The following LRRC7 variants were observed in gnomAD, a reference collection of about 807,000 sequenced individuals.
The protein encoded by LRRC7 is leucine-rich repeat-containing protein 7.
LRRC7 carries 23 observed loss-of-function variants against 175.7 expected under a neutral mutation model. The ratio of observed to expected loss-of-function variants is 0.13; its 90% CI spans 0.09 to 0.19. The LOEUF is 0.19. LRRC7 is among the 10% of genes least tolerant of loss of function. The pLI is 1.00. For missense variants in LRRC7, 1,354 were observed against 1,904.7 expected (o/e 0.71, Z 5.38); for synonymous variants, 685 against 680.9 (o/e 1.01, Z -0.09).
At chr1:69,633,182 T>G (rs1320213623) in intron 1 of LRRC7, among the ~76,000 whole-genome samples, 1 of 151,986 alleles carries the variant, frequency 6.6e-6, no homozygotes, top group Non-Finnish European at 1.5e-5. Context: ...TCCTTATATA[T>G]TTTTTGTTTA....
intron 8 of LRRC7, among the ~76,000 whole-genome samples, chr1:69,951,773 C>G (rs771071252): frequency 3.3e-5 from 5 of 151,904 alleles, no homozygotes; most frequent in Non-Finnish European, 7.4e-5. Flanking sequence ...AAACAACAAA[C>G]ACTGGGGTCT....
At chr1:69,759,020 C>A (rs921012613) in intron 2 of LRRC7, among the ~76,000 whole-genome samples, 2 of 151,912 alleles carry the variant, frequency 1.3e-5, no homozygotes, top group Non-Finnish European at 2.9e-5. Context: ...GAAACAAGAT[C>A]TCCTCAGAGA....
chr1:69,728,393 A>C (rs1235635646), intron 2 of LRRC7, among the ~76,000 whole-genome samples: 1 of 152,200 alleles, frequency 6.6e-6, no homozygotes, highest in East Asian at 1.9e-4. Context: ...TGCATTTAAC[A>C]AGAAATGAAG....
In LRRC7 at chr1:70,138,744, T is replaced by C. The variant is rs1489398468; in HGVS notation, c.*16857T>C. ...TAAATACAGTAGTATCTGGTGGCCT[T>C]TCTGTGTGGAGGAGCTCGTTTGTCC... On this transcript the variant is annotated 3_prime_UTR_variant, in exon 27 of 27. Transcript: ENST00000651989. The C allele has an allele frequency of 1.3e-5, 2 of 152,188 alleles. No individual in the cohort carries two copies. Among genetic ancestry groups the C allele is most frequent in the African/African-American group, 4.8e-5 (2 of 41,444 alleles). The allele number at this position is 152,188 out of a possible 1,614,324, so 9.4% of individuals were successfully genotyped here.
intron 22 of LRRC7, among the ~76,000 whole-genome samples, chr1:70,047,709 A>G (rs1660438578): frequency 6.6e-6 from 1 of 152,020 alleles, no homozygotes; most frequent in African/African-American, 2.4e-5. Flanking sequence ...TTTTTCATGT[A>G]TTACAAGCTA....
chr1:69,883,227 C>T (rs1027258605), intron 7 of LRRC7, among the ~76,000 whole-genome samples: 4 of 150,362 alleles, frequency 2.7e-5, no homozygotes, highest in Non-Finnish European at 5.9e-5. Flanking sequence ...TACAGTCCCA[C>T]CAACAGTGTA....
Position 70,043,953 on chromosome 1 carries a change from G to C in LRRC7, c.3970-1G>C, listed in dbSNP as rs1265024587. On this transcript the variant is annotated splice_acceptor_variant, in intron 21 of 26. Coordinates refer to ENST00000651989, the MANE Select transcript of LRRC7 (RefSeq NM_001370785.2). LOFTEE classifies it high-confidence loss of function. ...GTCACATGATTATTTCCTCTACTCAGAATGCTGCTTACAAACACAATACAG... is the reference window on the plus strand; with the variant it reads ...GTCACATGATTATTTCCTCTACTCACAATGCTGCTTACAAACACAATACAG... The C allele has an allele frequency of 6.2e-7, 1 of 1,605,004 alleles. No individual in the cohort carries two copies. The highest frequency in any genetic ancestry group is 8.5e-7 in the Non-Finnish European group (1 of 1,173,252).
intron 8 of LRRC7, among the ~76,000 whole-genome samples, chr1:69,968,057 T>C (rs1651839883): frequency 6.6e-6 from 1 of 151,988 alleles, no homozygotes. Flanking sequence ...AAAAAAATGA[T>C]ACAAGAAGTG....
At chr1:69,684,519 A>G (rs529577340) in intron 2 of LRRC7, among the ~76,000 whole-genome samples, 4 of 152,290 alleles carry the variant, frequency 2.6e-5, no homozygotes, top group African/African-American at 9.6e-5. Context: ...ACCTTTCCTG[A>G]TACTCAATTC....
At chr1:69,601,864 T>C (rs535992884) in intron 1 of LRRC7, among the ~76,000 whole-genome samples, 1 of 152,288 alleles carries the variant, frequency 6.6e-6, no homozygotes, top group East Asian at 1.9e-4. Flanking sequence ...GTATTATTTT[T>C]TGCACCCTGC....
At chr1:69,792,797 TTGA>T (rs1675275002) in intron 4 of LRRC7, among the ~76,000 whole-genome samples, 2 of 152,098 alleles carry the variant, frequency 1.3e-5, no homozygotes, top group South Asian at 2.1e-4. Flanking sequence ...GGTGTTTTTG[TTGA>T]TGATGATGCT....
chr1:69,868,341 T>C (rs1245763747), intron 7 of LRRC7, among the ~76,000 whole-genome samples: 1 of 152,162 alleles, frequency 6.6e-6, no homozygotes, highest in Non-Finnish European at 1.5e-5. Context: ...TTTCTTTTTT[T>C]TCTATGAATC....
intron 25 of LRRC7, among the ~76,000 whole-genome samples, chr1:70,105,521 C>CA (rs1665085685): frequency 6.6e-6 from 1 of 152,100 alleles, no homozygotes; most frequent in Admixed American, 6.6e-5. Flanking sequence ...CACATTTCAG[C>CA]AAAAATAGCA....
At chr1:69,834,031 T>C (rs1680839671) in intron 5 of LRRC7, among the ~76,000 whole-genome samples, 1 of 152,156 alleles carries the variant, frequency 6.6e-6, no homozygotes, top group Admixed American at 6.6e-5. Flanking sequence ...AAAAAATTAA[T>C]ATTCCTCTGA....
intron 18 of LRRC7, among the ~76,000 whole-genome samples, chr1:70,031,830 C>T (rs538802494): frequency 7.8e-4 from 117 of 150,590 alleles, no homozygotes; most frequent in African/African-American, 2.5e-3. Context: ...GACGGAGTCT[C>T]GCTCTGTTGC....
intron 7 of LRRC7, among the ~76,000 whole-genome samples, chr1:69,852,313 T>A (rs1339695659): frequency 1.3e-5 from 2 of 152,142 alleles, no homozygotes; most frequent in Non-Finnish European, 2.9e-5. Context: ...GCAAAGAACG[T>A]TTACAATGTA....
chr1:69,773,461 C>T (rs927397419), intron 3 of LRRC7, among the ~76,000 whole-genome samples: 1 of 152,006 alleles, frequency 6.6e-6, no homozygotes, highest in Non-Finnish European at 1.5e-5. Flanking sequence ...AAGTGACAAA[C>T]TGAGAGGGTG....
chr1:69,689,232 G>A (rs12029074), intron 2 of LRRC7, among the ~76,000 whole-genome samples: 21,775 of 152,016 alleles, frequency 0.14, 1,711 homozygotes, highest in Middle Eastern at 0.2. Context: ...AACCTTAAAC[G>A]ACTGTTAGTC....
intron 3 of LRRC7, among the ~76,000 whole-genome samples, chr1:69,762,620 A>G (rs1169522064): frequency 6.6e-6 from 1 of 152,000 alleles, no homozygotes; most frequent in Non-Finnish European, 1.5e-5. Flanking sequence ...GACTCAGGTT[A>G]TGAAAGTTCT....
Sources: allele counts gnomAD v4.1 joint callset (sites outside exome capture counted in the v4.1 genomes callset), GRCh38; gene constraint gnomAD v4.1.1; transcripts MANE v1.5; gene names NCBI Gene and HGNC (gene_info 2026-07-23, HGNC 2026-07-21).